GPC5: variants seen among roughly 807,000 people sequenced by gnomAD.
GPC5 encodes the protein glypican-5.
In GPC5, 47 loss-of-function variants were observed where a neutral mutation model predicts 53.9. The ratio of observed to expected loss-of-function variants is 0.87; its 90% confidence interval spans 0.69 to 1.11. GPC5 has a LOEUF of 1.11. Ranked by LOEUF, GPC5 falls within the 50% of genes most tolerant of loss-of-function variation. The probability of loss-of-function intolerance (pLI) is 0.00; values close to 1 mark genes in which losing one functional copy is unlikely to be tolerated. For missense variants in GPC5, 748 were observed against 713.1 expected (o/e 1.05, Z -0.56); for synonymous variants, 286 against 263.3 (o/e 1.09, Z -0.84).
chr13:91,897,365 G>GTA (rs1463453103), intron 5 of GPC5, among the ~76,000 whole-genome samples: 3 of 141,326 alleles, frequency 2.1e-5, no homozygotes, highest in Non-Finnish European at 1.6e-5. Context: ...GTGTGTGTGT[G>GTA]TGTGCGCCTG....
chr13:91,820,929 C>T (rs982150136), intron 5 of GPC5, among the ~76,000 whole-genome samples: 3 of 150,876 alleles, frequency 2.0e-5, no homozygotes, highest in Admixed American at 6.6e-5. Flanking sequence ...TGCCACTGCA[C>T]TCCAGCCTGG....
chr13:91,476,929 T>G (rs932422726), intron 2 of GPC5, among the ~76,000 whole-genome samples: 24 of 152,136 alleles, frequency 1.6e-4, no homozygotes, highest in African/African-American at 5.8e-4. Context: ...CCATACCATG[T>G]TAGGGATTCT....
At chr13:92,132,599 G>A (rs750882742) in intron 6 of GPC5, among the ~76,000 whole-genome samples, 4 of 151,954 alleles carry the variant, frequency 2.6e-5, no homozygotes, top group African/African-American at 4.8e-5. Flanking sequence ...TTGTGTCTCC[G>A]TATAGTCTTC....
chr13:92,639,522 C>T (rs1885518911), intron 7 of GPC5, among the ~76,000 whole-genome samples: 1 of 152,176 alleles, frequency 6.6e-6, no homozygotes, highest in Admixed American at 6.5e-5. Context: ...GAATTGGTCA[C>T]AGAACAGTGT....
chr13:92,137,456 A>G (rs533328529), intron 6 of GPC5, among the ~76,000 whole-genome samples: 1 of 152,310 alleles, frequency 6.6e-6, no homozygotes, highest in Admixed American at 6.5e-5. Flanking sequence ...CTCTCCTCCA[A>G]TACAGGATTG....
At chr13:92,047,288 T>C (rs1471158257) in intron 6 of GPC5, among the ~76,000 whole-genome samples, 1 of 152,128 alleles carries the variant, frequency 6.6e-6, no homozygotes, top group Non-Finnish European at 1.5e-5. Flanking sequence ...ATCTTAGATC[T>C]GAATTCTCAG....
intron 5 of GPC5, among the ~76,000 whole-genome samples, chr13:91,816,709 T>C (rs946323144): frequency 1.3e-5 from 2 of 152,204 alleles, no homozygotes; most frequent in Admixed American, 1.3e-4. Context: ...TTTGCAAGTT[T>C]CCCTACAACA....
intron 7 of GPC5, among the ~76,000 whole-genome samples, chr13:92,699,499 A>G (rs1229209082): frequency 1.3e-5 from 2 of 151,872 alleles, no homozygotes; most frequent in Non-Finnish European, 2.9e-5. Flanking sequence ...CTGCTTCTCT[A>G]GTTCTTTTAA....
chr13:91,583,324 A>G (rs1339349172), intron 2 of GPC5, among the ~76,000 whole-genome samples: 1 of 152,228 alleles, frequency 6.6e-6, no homozygotes, highest in Non-Finnish European at 1.5e-5. Flanking sequence ...TGAACTATTA[A>G]AATTAATAAG....
intron 7 of GPC5, among the ~76,000 whole-genome samples, chr13:92,475,019 C>T (rs1281496803): frequency 6.6e-6 from 1 of 152,028 alleles, no homozygotes; most frequent in Admixed American, 6.6e-5. Context: ...TTAGTGCTTC[C>T]TCTAACTTTA....
chr13:92,657,512 A>G (rs1338787720), intron 7 of GPC5, among the ~76,000 whole-genome samples: 1 of 151,972 alleles, frequency 6.6e-6, no homozygotes, highest in African/African-American at 2.4e-5. Flanking sequence ...AACTATGATT[A>G]AATTAGAGAC....
chr13:91,411,840 A>G (rs1877816667), intron 1 of GPC5, among the ~76,000 whole-genome samples: 2 of 152,228 alleles, frequency 1.3e-5, no homozygotes, highest in Admixed American at 6.5e-5. Flanking sequence ...TACTTTAAAT[A>G]TGTCAAGCCA....
intron 7 of GPC5, among the ~76,000 whole-genome samples, chr13:92,737,827 C>A (rs182856958): frequency 2.2e-3 from 271 of 123,106 alleles, no homozygotes; most frequent in African/African-American, 8.0e-3. Context: ...AGTACAATGG[C>A]GTGATCTTGG....
At chr13:91,677,542 G>T (rs2035411913) in intron 2 of GPC5, among the ~76,000 whole-genome samples, 1 of 152,074 alleles carries the variant, frequency 6.6e-6, no homozygotes, top group African/African-American at 2.4e-5. Flanking sequence ...GGTTATGGGG[G>T]CATTTGGCAG....
intron 7 of GPC5, among the ~76,000 whole-genome samples, chr13:92,786,619 G>A (rs1876242237): frequency 6.6e-6 from 1 of 152,168 alleles, no homozygotes; most frequent in African/African-American, 2.4e-5. Flanking sequence ...GTACATTGAG[G>A]TCATGCTTTG....
At chr13:92,345,508 T>C (rs939591461) in intron 7 of GPC5, among the ~76,000 whole-genome samples, 1 of 152,146 alleles carries the variant, frequency 6.6e-6, no homozygotes, top group African/African-American at 2.4e-5. Context: ...CCACAGAAAG[T>C]ATAGCTAGCA....
chr13:92,282,364 A>C (rs1434301188), intron 7 of GPC5, among the ~76,000 whole-genome samples: 1 of 152,198 alleles, frequency 6.6e-6, no homozygotes, highest in African/African-American at 2.4e-5. Context: ...CTAGCAAGGC[A>C]GGCCAACATT....
chr13:92,733,011 T>G (rs1322929116), intron 7 of GPC5, among the ~76,000 whole-genome samples: 1 of 151,686 alleles, frequency 6.6e-6, no homozygotes, highest in East Asian at 1.9e-4. Context: ...GCATTCAATT[T>G]CTTTCTGCTG....
intron 1 of GPC5, among the ~76,000 whole-genome samples, chr13:91,423,111 AAATC>A (rs1878760556): frequency 6.6e-6 from 1 of 152,200 alleles, no homozygotes; most frequent in Non-Finnish European, 1.5e-5. Context: ...TTCTTGGTAA[AAATC>A]ATGGATTTCT....
Sources: gnomAD v4.1 joint callset for allele counts (sites outside exome capture counted in the v4.1 genomes callset) on GRCh38, gnomAD v4.1.1 for gene constraint, MANE v1.5 for transcripts, NCBI Gene and HGNC (gene_info 2026-07-23, HGNC 2026-07-21) for gene names.